PLCG2: variants seen among roughly 807,000 people sequenced by gnomAD.
PLCG2 encodes phospholipase C gamma 2.
A neutral mutation model predicts 175.6 loss-of-function variants in PLCG2; 69 were observed. The ratio of observed to expected loss-of-function variants is 0.39; its 90% confidence interval spans 0.32 to 0.48. The LOEUF (loss-of-function observed/expected upper bound fraction) is 0.48, where lower values mean the gene tolerates loss of function less well. Ranked by LOEUF, PLCG2 falls within the 20% of genes least tolerant of loss-of-function variation. The pLI, the probability that PLCG2 is intolerant of heterozygous loss-of-function variation, is 0.91. For synonymous variants in PLCG2, 827 were observed against 624.0 expected (o/e 1.33, Z -4.85); for missense variants, 1,798 against 1,650.9 (o/e 1.09, Z -1.54).
chr16:81,868,244 G>A (rs1302261256), intron 5 of PLCG2, among the ~76,000 whole-genome samples: 1 of 152,168 alleles, frequency 6.6e-6, no homozygotes, highest in Non-Finnish European at 1.5e-5. Flanking sequence ...TTAATGCCTG[G>A]ATGACCCCAG....
At chr16:81,796,967 C>G (rs543050158) in intron 2 of PLCG2, among the ~76,000 whole-genome samples, 2 of 152,198 alleles carry the variant, frequency 1.3e-5, no homozygotes, top group Admixed American at 6.5e-5. Flanking sequence ...AGGGATTGAC[C>G]TACCCATTCA....
Position 81,765,089 on chromosome 16 carries a change from T to TCC in PLCG2, c.-48+9128_-48+9129dup, listed in dbSNP as rs1376191696. The stretch of plus-strand genomic sequence containing the variant: ...GGTGACAGAGTGAGATGAGACACTG[T>TCC]CCCCCCACAAAAAAAATAAATCAAT... On this transcript the variant is annotated intron_variant, in intron 2 of 5. Coordinates refer to the PLCG2 transcript ENST00000565054. Among the ~76,000 whole-genome samples, 343 of 151,622 alleles carry TCC rather than the reference T, an allele frequency of 2.3e-3. 3 individuals carry two copies. The highest frequency in any genetic ancestry group is 7.8e-3 in the African/African-American group (322 of 41,110).
chr16:81,946,258 G>A lies in PLCG2; in HGVS notation c.3565G>A (p.Val1189Ile). 1 of 1,611,996 alleles carries A rather than the reference G, an allele frequency of 6.2e-7. No individual in the cohort carries two copies. Among genetic ancestry groups the A allele is most frequent in the South Asian group, 1.1e-5 (1 of 91,010 alleles). The change falls in exon 31 of 33, where the codon GTC (valine) becomes ATC (isoleucine). Residue 1189 changes from valine to isoleucine, a missense_variant. Physicochemically the swap from Val to Ile is conservative, Grantham distance 29. Coordinates refer to ENST00000564138, the MANE Select transcript of PLCG2 (RefSeq NM_002661.5). ...CCTGGTTTTCTGTGAGATGCGGCCA[G>A]TCCTGGTGAGTGGAGAAACACCAGT... ...SLLVFCEMRP[V>I]LESEEELYSS...
rs763952532 is a variant in PLCG2 at position 81,956,914 on chromosome 16, G to A, written c.3755+35G>A. ...CCCCTCCACCTGCAAAAACTTTTGG[G>A]GGGTCTCTAGGCACGGTGATGATGG... On this transcript the variant is annotated intron_variant, in intron 32 of 32. Coordinates refer to ENST00000564138, the MANE Select transcript of PLCG2 (RefSeq NM_002661.5). 8.9e-6 allele frequency: 14 copies of A among 1,572,010 alleles called. No individual in the cohort carries two copies. In the South Asian group the frequency reaches 1.6e-4, roughly 18 times the overall value.
intron 5 of PLCG2, among the ~76,000 whole-genome samples, chr16:81,860,842 G>A (rs545970600): frequency 2.6e-5 from 4 of 151,980 alleles, no homozygotes; most frequent in African/African-American, 7.3e-5. Flanking sequence ...ATGGTAGCAC[G>A]CTCCTGTAGT....
chr16:81,756,637 G>C (rs1182485207), intron 2 of PLCG2, among the ~76,000 whole-genome samples: 1 of 152,184 alleles, frequency 6.6e-6, no homozygotes, highest in Non-Finnish European at 1.5e-5. Context: ...GAGGTACCAG[G>C]TCCCAAGTGA....
At chr16:81,807,084 A>G (rs1020165489) in intron 2 of PLCG2, among the ~76,000 whole-genome samples, 1 of 152,146 alleles carries the variant, frequency 6.6e-6, no homozygotes, top group Non-Finnish European at 1.5e-5. Flanking sequence ...TTCCTAGGTC[A>G]TGTTTCAAGT....
chr16:81,858,702 T>A (rs374270528), intron 4 of PLCG2, among the ~76,000 whole-genome samples: 4 of 152,114 alleles, frequency 2.6e-5, no homozygotes, highest in East Asian at 1.9e-4. Context: ...AGATACAGGG[T>A]CTGGAATTTT....
chr16:81,741,752 A>C (rs914723013), intron 1 of PLCG2, among the ~76,000 whole-genome samples: 1 of 152,174 alleles, frequency 6.6e-6, no homozygotes, highest in African/African-American at 2.4e-5. Flanking sequence ...CAGAGGTTGC[A>C]GTGAGCTGAG....
intron 2 of PLCG2, among the ~76,000 whole-genome samples, chr16:81,806,732 C>CA (rs1268985681): frequency 3.3e-5 from 5 of 151,982 alleles, no homozygotes; most frequent in African/African-American, 7.3e-5. Context: ...TGGAAGGCCT[C>CA]ACTGAGAAGC....
chr16:81,913,925 T>A (rs1909736070), intron 19 of PLCG2, among the ~76,000 whole-genome samples: 1 of 152,140 alleles, frequency 6.6e-6, no homozygotes, highest in Non-Finnish European at 1.5e-5. Flanking sequence ...ACTGAGGACC[T>A]ACTGTGTACT....
intron 2 of PLCG2, among the ~76,000 whole-genome samples, chr16:81,838,797 A>G (rs1208709197): frequency 6.7e-6 from 1 of 148,468 alleles, no homozygotes. Context: ...ATATATATAT[A>G]TATATATATA....
chr16:81,864,628 G>T (rs987433906), intron 5 of PLCG2, among the ~76,000 whole-genome samples: 1 of 152,246 alleles, frequency 6.6e-6, no homozygotes, highest in African/African-American at 2.4e-5. Flanking sequence ...GAGTTAATAT[G>T]TGAAGGGTGC....
At chr16:81,863,920 A>G (rs929940398) in intron 5 of PLCG2, among the ~76,000 whole-genome samples, 4 of 152,184 alleles carry the variant, frequency 2.6e-5, no homozygotes, top group Admixed American at 2.0e-4. Context: ...GCGTGAATGC[A>G]AATAGGCTTC....
At position 81,958,062 on chromosome 16, in the gene PLCG2, G is replaced by C. The variant is rs767245300; in HGVS notation, c.*64G>C. The C allele has an allele frequency of 2.9e-5, 34 of 1,165,328 alleles. No homozygotes were observed. The highest frequency in any genetic ancestry group is 3.4e-5 in the Admixed American group (2 of 58,292). The allele number at this position is 1,165,328 out of a possible 1,614,324, so 72.2% of individuals were successfully genotyped here. Reference sequence around the variant, plus strand: ...CATGTGTGTTTGCATGTAGGAGAACGTGCCCTATTCACACTCTGGGAAGAC... The same window carrying C: ...CATGTGTGTTTGCATGTAGGAGAACCTGCCCTATTCACACTCTGGGAAGAC... On this transcript the variant is annotated 3_prime_UTR_variant, in exon 33 of 33. Coordinates refer to ENST00000564138, the MANE Select transcript of PLCG2 (RefSeq NM_002661.5).
In PLCG2 at chr16:81,962,609, C is replaced by T. The variant is rs1341795387; in HGVS notation, c.*4611C>T. ...TAGAGAATTAAGTGAATGAGTCACA[C>T]AGATGTTGGCTGTTGTTAATGTGAA... is the stretch of plus-strand genomic sequence containing the variant. On this transcript the variant is annotated 3_prime_UTR_variant, in exon 33 of 33. Coordinates refer to ENST00000564138, the MANE Select transcript of PLCG2 (RefSeq NM_002661.5). The T allele has an allele frequency of 9.0e-6, 2 of 223,130 alleles. No homozygotes were observed. The highest frequency in any genetic ancestry group is 4.5e-5 in the African/African-American group (2 of 44,810). The allele number at this position is 223,130 out of a possible 1,614,324, so 13.8% of individuals were successfully genotyped here.
intron 2 of PLCG2, among the ~76,000 whole-genome samples, chr16:81,804,425 C>T (rs917317036): frequency 6.6e-6 from 1 of 152,158 alleles, no homozygotes; most frequent in African/African-American, 2.4e-5. Context: ...TTGGTGCTGA[C>T]TAGGGCGTAA....
chr16:81,877,973 ATTTTTTTTTTTTTTTTTTT>A (rs71146052), intron 7 of PLCG2, among the ~76,000 whole-genome samples: 1 of 55,762 alleles, frequency 1.8e-5, no homozygotes, highest in African/African-American at 8.2e-5. Flanking sequence ...TTTTTTTTTA[ATTTTTTTTTTTTTTTTTTT>A]TTTTTTTGAG....
chr16:81,744,263 G>T (rs1011757437), intron 1 of PLCG2, among the ~76,000 whole-genome samples: 1 of 150,726 alleles, frequency 6.6e-6, no homozygotes, highest in African/African-American at 2.4e-5. Context: ...CGGCTCCTGG[G>T]TTCACGCCAT....
Sources: gnomAD v4.1 joint callset for allele counts (sites outside exome capture counted in the v4.1 genomes callset) on GRCh38, gnomAD v4.1.1 for gene constraint, MANE v1.5 for transcripts, NCBI Gene and HGNC (gene_info 2026-07-23, HGNC 2026-07-21) for gene names.